Variants in GLI3 observed in about 807,000 individuals in gnomAD.
The protein encoded by GLI3 is GLI family zinc finger 3, also known as transcription activator GLI3.
A neutral mutation model predicts 100.8 loss-of-function variants in GLI3; 20 were observed. The observed-to-expected ratio is 0.20, with a 90% CI of 0.14 to 0.29. GLI3 has a LOEUF of 0.29. Ranked by LOEUF, GLI3 falls within the 10% of genes least tolerant of loss-of-function variation. The pLI is 1.00. For synonymous variants in GLI3, 938 were observed against 860.5 expected (o/e 1.09, Z -1.58); for missense variants, 2,040 against 2,128.5 (o/e 0.96, Z 0.82).
Position 41,964,484 on chromosome 7 carries a change from T to A in GLI3, c.4589A>T (p.Asn1530Ile), listed in dbSNP as rs1450865103. ...SGALSPSIIQ[N>I]LSHSSSRLTT... ...GAGGCGGGAGGAGCTATGGGAAAGGTTCTGAATGATACTTGGGCTCAGGGC... is the reference window on the plus strand; with the variant it reads ...GAGGCGGGAGGAGCTATGGGAAAGGATCTGAATGATACTTGGGCTCAGGGC... Residue 1530 changes from asparagine (N) to isoleucine (I), a missense_variant, in exon 15 of 15, where the codon AAC (asparagine) becomes ATC (isoleucine). Physicochemically the swap from Asn to Ile is moderately radical, Grantham distance 149. Transcript: ENST00000395925. The A allele has an allele frequency of 1.2e-6, 2 of 1,613,938 alleles. No individual in the cohort carries two copies. The highest frequency in any genetic ancestry group is 1.7e-6 in the Non-Finnish European group (2 of 1,179,930).
Position 42,048,593 on chromosome 7 carries a change from G to C in GLI3, c.577C>G (p.Pro193Ala). 1 of 1,611,858 alleles carries C rather than the reference G, an allele frequency of 6.2e-7. No individual in the cohort carries two copies. The highest frequency in any genetic ancestry group is 8.5e-7 in the Non-Finnish European group (1 of 1,179,004). ...ATGTAGGGATTAATGTAGGGATGTGGAGGGCTGAAGGGAGACTCGGAAGCA... is the reference window on the plus strand; with the variant it reads ...ATGTAGGGATTAATGTAGGGATGTGCAGGGCTGAAGGGAGACTCGGAAGCA... ...TAASESPFSPPHPYINPYMDY... is the reference protein window; with the variant it reads ...TAASESPFSPAHPYINPYMDY... Residue 193 changes from proline to alanine, a missense_variant, in exon 5 of 15, where the codon CCA becomes GCA. Physicochemically the swap from Pro to Ala is conservative, Grantham distance 27 (BLOSUM62 -1). Coordinates refer to ENST00000395925, the MANE Select transcript of GLI3 (RefSeq NM_000168.6).
rs377272979 is a variant in GLI3 at position 41,975,037 on chromosome 7, T to C, written c.1813-2410A>G. On this transcript the variant is annotated intron_variant, in intron 12 of 14. Coordinates refer to ENST00000395925, the MANE Select transcript of GLI3 (RefSeq NM_000168.6). ...TCTCCCTATAGGAAAGAGGGAGCCA[T>C]TGCAGCTTTCTAGAGAGGGAGGTTC... is the stretch of plus-strand genomic sequence containing the variant. Among the ~76,000 whole-genome samples the C allele has an allele frequency of 4.0e-4, 61 of 152,284 alleles. No individual in the cohort carries two copies. The South Asian group carries it at 0.012, about 31-fold the overall frequency.
chr7:42,131,305 G>A (rs1385968214), intron 3 of GLI3, among the ~76,000 whole-genome samples: 1 of 152,148 alleles, frequency 6.6e-6, no homozygotes, highest in Non-Finnish European at 1.5e-5. Context: ...TGGTTGGGAG[G>A]TTGGGGAGTG....
In GLI3 at chr7:42,141,478, C is replaced by T. The variant is rs186796627; in HGVS notation, c.367+6748G>A. Reference sequence around the variant, plus strand: ...CCTGAGGTCAGGAGTTCAAGACCAGCGTGGCCAACATGGCGAAACCCCGTG... The same window carrying T: ...CCTGAGGTCAGGAGTTCAAGACCAGTGTGGCCAACATGGCGAAACCCCGTG... On this transcript the variant is annotated intron_variant, in intron 3 of 14. Transcript: ENST00000395925. Among the ~76,000 whole-genome samples the T allele has an allele frequency of 3.3e-3, 499 of 152,194 alleles. 2 individuals carry two copies. Among genetic ancestry groups the T allele is most frequent in the African/African-American group, 0.011 (460 of 41,524 alleles).
intron 13 of GLI3, among the ~76,000 whole-genome samples, chr7:41,971,793 C>A (rs1787370529): frequency 6.6e-6 from 1 of 152,214 alleles, no homozygotes; most frequent in South Asian, 2.1e-4. Flanking sequence ...CTCCTCAGCT[C>A]TTCCCTCTGG....
At chr7:41,970,418 C>T (rs1047177866) in intron 13 of GLI3, among the ~76,000 whole-genome samples, 3 of 152,112 alleles carry the variant, frequency 2.0e-5, no homozygotes, top group Non-Finnish European at 2.9e-5. Context: ...TTATTAACCT[C>T]ACTAAGCCTC....
At chr7:42,222,993 C>G (rs113910137) in intron 2 of GLI3, 137 bp downstream of exon 2, 18 of 1,041,680 alleles carry the variant, frequency 1.7e-5, no homozygotes, top group Middle Eastern at 5.9e-4. Context: ...GCCGTCCCCC[C>G]GCCCCTGCTC....
chr7:42,161,119 C>G (rs1476773921), intron 2 of GLI3, among the ~76,000 whole-genome samples: 1 of 152,136 alleles, frequency 6.6e-6, no homozygotes, highest in African/African-American at 2.4e-5. Context: ...AAAAATCAAG[C>G]AAATTATTTT....
intron 2 of GLI3, among the ~76,000 whole-genome samples, chr7:42,203,076 TTTTA>T (rs1157487812): frequency 5.9e-5 from 9 of 152,314 alleles, no homozygotes; most frequent in South Asian, 4.1e-4. Context: ...CTACAAATTG[TTTTA>T]TTTATTTGTT....
chr7:42,160,438 A>T (rs926715664), intron 2 of GLI3, among the ~76,000 whole-genome samples: 46 of 152,352 alleles, frequency 3.0e-4, no homozygotes, highest in African/African-American at 1.0e-3. Flanking sequence ...TATGCTTCAC[A>T]TACACCTCAT....
At chr7:42,220,409 C>T (rs993632491) in intron 2 of GLI3, among the ~76,000 whole-genome samples, 3 of 152,112 alleles carry the variant, frequency 2.0e-5, no homozygotes, top group Non-Finnish European at 2.9e-5. Context: ...AGGGCCATGG[C>T]GATGTCAACC....
chr7:42,002,500 C>T (rs956695733), intron 10 of GLI3, among the ~76,000 whole-genome samples: 7 of 151,952 alleles, frequency 4.6e-5, no homozygotes, highest in African/African-American at 1.5e-4. Flanking sequence ...TAATAAAATA[C>T]GTAGACAAAG....
chr7:42,000,320 C>T (rs1293299263), intron 10 of GLI3, among the ~76,000 whole-genome samples: 1 of 152,148 alleles, frequency 6.6e-6, no homozygotes, highest in Non-Finnish European at 1.5e-5. Flanking sequence ...TTTTTAAGTA[C>T]ATGAATGCAT....
chr7:42,120,566 G>A (rs1479776116), intron 3 of GLI3, among the ~76,000 whole-genome samples: 1 of 152,220 alleles, frequency 6.6e-6, no homozygotes, highest in South Asian at 2.1e-4. Flanking sequence ...ATGCATCGGC[G>A]AGGTACTGTT....
intron 4 of GLI3, among the ~76,000 whole-genome samples, chr7:42,073,021 A>G (rs1339145979): frequency 6.6e-6 from 1 of 152,172 alleles, no homozygotes; most frequent in Non-Finnish European, 1.5e-5. Flanking sequence ...AGTGTTTCTT[A>G]ATTTTCAAAT....
intron 4 of GLI3, among the ~76,000 whole-genome samples, chr7:42,069,141 C>G (rs1784736553): frequency 6.6e-6 from 1 of 152,194 alleles, no homozygotes; most frequent in Non-Finnish European, 1.5e-5. Context: ...TGCTGCTGAG[C>G]GCAGCACAAA....
chr7:41,983,569 A>C (rs1787732847), intron 10 of GLI3, among the ~76,000 whole-genome samples: 1 of 152,186 alleles, frequency 6.6e-6, no homozygotes. Context: ...AACGTTAATC[A>C]AATATATAAA....
At chr7:42,115,683 C>T (rs1785835765) in intron 3 of GLI3, among the ~76,000 whole-genome samples, 1 of 152,106 alleles carries the variant, frequency 6.6e-6, no homozygotes, top group South Asian at 2.1e-4. Context: ...ACAGCAGGGA[C>T]ACAGTGGGGC....
intron 1 of GLI3, among the ~76,000 whole-genome samples, chr7:42,227,459 A>G (rs1788604644): frequency 6.6e-6 from 1 of 152,082 alleles, no homozygotes. Context: ...CCACTCAACT[A>G]TCCCTGAACC....
Sources: allele counts gnomAD v4.1 joint callset (sites outside exome capture counted in the v4.1 genomes callset), GRCh38; gene constraint gnomAD v4.1.1; transcripts MANE v1.5; gene names NCBI Gene and HGNC (gene_info 2026-07-23, HGNC 2026-07-21).